The following APBA1 variants were observed in gnomAD, a reference collection of about 807,000 sequenced individuals.
APBA1 encodes the protein amyloid beta precursor protein binding family A member 1.
APBA1 carries 55 observed loss-of-function variants against 86.6 expected under a neutral mutation model. The ratio of observed to expected loss-of-function variants is 0.64; its 90% confidence interval spans 0.51 to 0.80. The LOEUF is 0.80. Among genes scored for constraint, APBA1 ranks in the 30% least tolerant of loss-of-function variants. The pLI is 0.00. For missense variants in APBA1, 1,090 were observed against 1,183.0 expected, an observed-to-expected ratio of 0.92 and a Z score of 1.15; for synonymous variants, 511 against 493.9, an observed-to-expected ratio of 1.03 and a Z score of -0.46.
At chr9:69,503,199 C>T (rs181494677) in intron 2 of APBA1, among the ~76,000 whole-genome samples, 27 of 152,186 alleles carry the variant, frequency 1.8e-4, no homozygotes, top group Admixed American at 3.3e-4. Context: ...TTCCTTTGGT[C>T]AGTGAGTCAT....
intron 1 of APBA1, among the ~76,000 whole-genome samples, chr9:69,654,257 C>G (rs946270475): frequency 2.0e-5 from 3 of 150,808 alleles, no homozygotes; most frequent in Admixed American, 1.3e-4. Flanking sequence ...AAAGAAATAA[C>G]AAATATCTGA....
intron 1 of APBA1, among the ~76,000 whole-genome samples, chr9:69,575,447 C>T (rs892525207): frequency 2.6e-5 from 4 of 152,170 alleles, no homozygotes; most frequent in Admixed American, 6.5e-5. Flanking sequence ...CGCTACCTGA[C>T]TTCAAACTAT....
chr9:69,584,727 C>T (rs973164639), intron 1 of APBA1, among the ~76,000 whole-genome samples: 5 of 152,146 alleles, frequency 3.3e-5, no homozygotes, highest in Non-Finnish European at 7.3e-5. Context: ...ATCCATCCCA[C>T]TGATTATAAA....
At chr9:69,577,790 C>CT (rs139724554) in intron 1 of APBA1, among the ~76,000 whole-genome samples, 1,588 of 152,154 alleles carry the variant, frequency 0.01, 36 homozygotes, top group African/African-American at 0.036. Context: ...CTGAGAAAAC[C>CT]TTTTTTTAAG....
chr9:69,617,898 G>T (rs1822734430), intron 1 of APBA1, among the ~76,000 whole-genome samples: 1 of 152,024 alleles, frequency 6.6e-6, no homozygotes, highest in Non-Finnish European at 1.5e-5. Context: ...GGTGTTTATG[G>T]ACATAAAGCT....
intron 1 of APBA1, among the ~76,000 whole-genome samples, chr9:69,659,897 A>G (rs924475696): frequency 2.0e-5 from 3 of 152,222 alleles, no homozygotes; most frequent in South Asian, 2.1e-4. Flanking sequence ...CACTCAACAG[A>G]AAGCTGACTT....
chr9:69,632,114 A>G (rs1055438042), intron 1 of APBA1, among the ~76,000 whole-genome samples: 1 of 152,068 alleles, frequency 6.6e-6, no homozygotes, highest in Non-Finnish European at 1.5e-5. Context: ...TTTTCTCTGA[A>G]TAACACAGGA....
intron 1 of APBA1, among the ~76,000 whole-genome samples, chr9:69,625,922 T>A (rs1483565146): frequency 6.6e-6 from 1 of 152,132 alleles, no homozygotes; most frequent in East Asian, 1.9e-4. Flanking sequence ...GGGCAGTATA[T>A]CCAGTGCTAC....
At chr9:69,538,962 G>A (rs558926523) in intron 1 of APBA1, among the ~76,000 whole-genome samples, 6 of 152,224 alleles carry the variant, frequency 3.9e-5, no homozygotes, top group African/African-American at 1.4e-4. Flanking sequence ...CTTAACTACT[G>A]GGCAGCATTT....
rs143350805 is a variant in APBA1 at position 69,502,145 on chromosome 9, A to T, written c.1200+13866T>A. Among the ~76,000 whole-genome samples the T allele has an allele frequency of 4.8e-3, 716 of 149,724 alleles. 5 individuals carry two copies. Among genetic ancestry groups the T allele is most frequent in the Middle Eastern group, 0.017 (5 of 292 alleles). On this transcript the variant is annotated intron_variant, in intron 2 of 12. Coordinates refer to ENST00000265381, the MANE Select transcript of APBA1 (RefSeq NM_001163.4). ...ATTGGAGCCCAGAGGGTTAAAAAAG[A>T]TCAATCTTCTCCATCAGTTTCTTTT...
chr9:69,445,602 CAG>C (rs1392572016), intron 10 of APBA1, among the ~76,000 whole-genome samples: 1 of 152,096 alleles, frequency 6.6e-6, no homozygotes, highest in Non-Finnish European at 1.5e-5. Flanking sequence ...TATTCTAAAA[CAG>C]AGCAAAAACC....
rs150614384 is a variant in APBA1 at position 69,537,970 on chromosome 9, T to C, written c.-69-20691A>G. On this transcript the variant is annotated intron_variant, in intron 1 of 12. Coordinates refer to ENST00000265381, the MANE Select transcript of APBA1 (RefSeq NM_001163.4). ...GATGCCACTTAGCAAAGATGAGGAC[T>C]GTTTTGTTGTGATAAAACACAACAG... Among the ~76,000 whole-genome samples, 621 of 152,224 alleles carry C rather than the reference T, an allele frequency of 4.1e-3. 9 individuals are homozygous for C. The highest frequency in any genetic ancestry group is 0.032 in the East Asian group (168 of 5,180).
intron 2 of APBA1, among the ~76,000 whole-genome samples, chr9:69,505,843 C>G (rs1423518739): frequency 6.6e-6 from 1 of 151,824 alleles, no homozygotes; most frequent in Non-Finnish European, 1.5e-5. Context: ...TATGGCAAAA[C>G]CCCGTCTCTA....
chr9:69,456,936 G>C (rs1835108042), intron 7 of APBA1, 117 bp downstream of exon 7: 4 of 847,876 alleles, frequency 4.7e-6, no homozygotes, highest in Admixed American at 4.4e-5. Context: ...AGCTCACTGG[G>C]GCCCAGAATC....
intron 1 of APBA1, among the ~76,000 whole-genome samples, chr9:69,648,069 T>C (rs1025079890): frequency 5.9e-5 from 9 of 152,216 alleles, no homozygotes; most frequent in Non-Finnish European, 1.0e-4. Context: ...CTCGATATCT[T>C]TGCTTATAGC....
chr9:69,445,657 C>T (rs533991138), intron 10 of APBA1, among the ~76,000 whole-genome samples: 1 of 152,156 alleles, frequency 6.6e-6, no homozygotes, highest in East Asian at 1.9e-4. Flanking sequence ...AAAGAGGCAG[C>T]CTGTAAAATG....
chr9:69,642,371 A>T (rs1823304530), intron 1 of APBA1, among the ~76,000 whole-genome samples: 1 of 152,214 alleles, frequency 6.6e-6, no homozygotes, highest in Non-Finnish European at 1.5e-5. Context: ...AAGACACTCA[A>T]CATCATTAGT....
chr9:69,486,685 A>C (rs1295963972), intron 2 of APBA1, among the ~76,000 whole-genome samples: 1 of 151,884 alleles, frequency 6.6e-6, no homozygotes, highest in African/African-American at 2.4e-5. Flanking sequence ...AAAGCAGAGG[A>C]AGATACTGGA....
At chr9:69,492,688 A>T (rs1215053770) in intron 2 of APBA1, among the ~76,000 whole-genome samples, 1 of 152,030 alleles carries the variant, frequency 6.6e-6, no homozygotes, top group East Asian at 1.9e-4. Context: ...ATGCTATTAT[A>T]GTGATTGATT....
Sources: gnomAD v4.1 joint callset for allele counts (sites outside exome capture counted in the v4.1 genomes callset) on GRCh38, gnomAD v4.1.1 for gene constraint, MANE v1.5 for transcripts, NCBI Gene and HGNC (gene_info 2026-07-23, HGNC 2026-07-21) for gene names.